The following FAF1 variants were observed in gnomAD, a reference collection of about 807,000 sequenced individuals.
FAF1 encodes the protein FAS-associated factor 1.
A neutral mutation model predicts 92.5 loss-of-function variants in FAF1; 25 were observed. The ratio of observed to expected loss-of-function variants is 0.27; its 90% CI spans 0.20 to 0.38. The LOEUF is 0.38. Ranked by LOEUF, FAF1 falls within the 10% of genes least tolerant of loss-of-function variation. FAF1 has a pLI of 1.00. For missense variants in FAF1, 636 were observed against 793.3 expected, an observed-to-expected ratio of 0.80 and a Z score of 2.38; for synonymous variants, 234 against 273.2, an observed-to-expected ratio of 0.86 and a Z score of 1.42.
intron 8 of FAF1, among the ~76,000 whole-genome samples, chr1:50,622,396 G>C (rs1268632060): frequency 6.6e-6 from 1 of 151,942 alleles, no homozygotes; most frequent in Non-Finnish European, 1.5e-5. Context: ...CTTGGCTTCA[G>C]CATCTCCTCA....
intron 6 of FAF1, among the ~76,000 whole-genome samples, chr1:50,711,931 G>A (rs534953452): frequency 1.3e-5 from 2 of 152,054 alleles, no homozygotes; most frequent in Admixed American, 6.5e-5. Flanking sequence ...CTTAACAAGC[G>A]CTACCACATA....
rs1159295474 is a variant in FAF1, at chr1:50,911,616, G to C, written c.45+48151C>G. 2.0e-5 allele frequency among the ~76,000 whole-genome samples: 3 copies of C among 151,996 alleles called. No individual in the cohort carries two copies. The East Asian group carries it at 5.9e-4, about 30-fold the overall frequency. ...GGAGGCTGAGTCATGAGAATGGCTT[G>C]AACCCAGCAGGCAGAGGTTGCAGTG... is the stretch of plus-strand genomic sequence containing the variant. On this transcript the variant is annotated intron_variant, in intron 1 of 18. Coordinates refer to ENST00000396153, the MANE Select transcript of FAF1 (RefSeq NM_007051.3).
intron 1 of FAF1, among the ~76,000 whole-genome samples, chr1:50,943,900 T>C (rs1423447412): frequency 1.3e-5 from 2 of 152,232 alleles, no homozygotes; most frequent in Non-Finnish European, 1.5e-5. Flanking sequence ...TCAGAATCAC[T>C]AGGTCTTTCT....
At chr1:50,689,365 A>G (rs994518077) in intron 7 of FAF1, among the ~76,000 whole-genome samples, 2 of 152,150 alleles carry the variant, frequency 1.3e-5, no homozygotes, top group Non-Finnish European at 2.9e-5. Flanking sequence ...CGGGTGGATC[A>G]CGAGGTCAGG....
chr1:50,560,750 C>G (rs1649864383), intron 13 of FAF1, among the ~76,000 whole-genome samples: 1 of 152,206 alleles, frequency 6.6e-6, no homozygotes, highest in Non-Finnish European at 1.5e-5. Flanking sequence ...ATTAGATAAT[C>G]TAAACCAGCA....
intron 18 of FAF1, among the ~76,000 whole-genome samples, chr1:50,445,311 C>T (rs1418720030): frequency 1.3e-5 from 2 of 152,114 alleles, no homozygotes; most frequent in African/African-American, 4.8e-5. Flanking sequence ...CAATTATTAT[C>T]CCCATTAAGC....
chr1:50,749,806 C>T (rs912020223), intron 4 of FAF1, among the ~76,000 whole-genome samples: 1 of 149,030 alleles, frequency 6.7e-6, no homozygotes, highest in African/African-American at 2.5e-5. Flanking sequence ...AAAAAAAAAA[C>T]ACGATTCTCA....
intron 18 of FAF1, among the ~76,000 whole-genome samples, chr1:50,463,580 C>T (rs1572759488): frequency 6.6e-6 from 1 of 152,172 alleles, no homozygotes; most frequent in Non-Finnish European, 1.5e-5. Flanking sequence ...TATCTCTTAG[C>T]CCCAGTTGTC....
Position 50,858,178 on chromosome 1 carries a change from T to C in FAF1, c.46-181A>G, listed in dbSNP as rs1644405330. On this transcript the variant is annotated intron_variant, in intron 1 of 18. Coordinates refer to ENST00000396153, the MANE Select transcript of FAF1 (RefSeq NM_007051.3). ...CATATATGGTGTGAACATTGTTAAT[T>C]ACAAAGTAAATTTACATTGCTCTGA... is the stretch of plus-strand genomic sequence containing the variant. Among the ~76,000 whole-genome samples the C allele has an allele frequency of 2.0e-5, 3 of 151,846 alleles. No individual in the cohort carries two copies. In the South Asian group the frequency reaches 6.2e-4, roughly 31 times the overall value.
At chr1:50,467,841 T>TA (rs1557957312) in intron 18 of FAF1, among the ~76,000 whole-genome samples, 1 of 152,090 alleles carries the variant, frequency 6.6e-6, no homozygotes, top group South Asian at 2.1e-4. Flanking sequence ...TCTCACCTTT[T>TA]AAAAAAAGCA....
At chr1:50,594,688 T>C (rs916277298) in intron 9 of FAF1, among the ~76,000 whole-genome samples, 1 of 151,524 alleles carries the variant, frequency 6.6e-6, no homozygotes, top group African/African-American at 2.4e-5. Context: ...CTGGCCAATA[T>C]AGTGAAACCC....
At chr1:50,533,136 C>T (rs923711660) in intron 15 of FAF1, among the ~76,000 whole-genome samples, 3 of 152,148 alleles carry the variant, frequency 2.0e-5, no homozygotes, top group South Asian at 2.1e-4. Context: ...CAGGGTCCCA[C>T]GTTGTTGCCC....
chr1:50,664,999 GA>G (rs1218298604), intron 7 of FAF1, among the ~76,000 whole-genome samples: 1 of 152,090 alleles, frequency 6.6e-6, no homozygotes, highest in South Asian at 2.1e-4. Context: ...TAAATAATAT[GA>G]AAAAAATGTT....
chr1:50,583,817 A>C lies in FAF1; in HGVS notation c.968-102T>G, dbSNP rs774009811. On this transcript the variant is annotated intron_variant, in intron 10 of 18. Transcript: ENST00000396153. This position sits in a 1 kb window ranked among gnomAD's most constrained non-coding sequence, Gnocchi z 4.2. ...AATCCCACATATAAGAAATATATTC[A>C]ATCAATAAAGAGGAAATAAAATTAA... 129 of 614,556 alleles carry C rather than the reference A, an allele frequency of 2.1e-4. 5 individuals are homozygous for C. Among genetic ancestry groups the C allele is most frequent in the Non-Finnish European group, 1.4e-4 (50 of 363,712 alleles). The allele number at this position is 614,556 out of a possible 1,614,324, so 38.1% of individuals were successfully genotyped here.
chr1:50,911,661 C>T (rs1570131354), intron 1 of FAF1, among the ~76,000 whole-genome samples: 1 of 152,046 alleles, frequency 6.6e-6, no homozygotes, highest in East Asian at 2.0e-4. Context: ...GTTGCCACTA[C>T]ACTCCAGCCT....
chr1:50,694,432 T>TA (rs1370940053), intron 7 of FAF1, among the ~76,000 whole-genome samples: 5 of 151,834 alleles, frequency 3.3e-5, no homozygotes, highest in Admixed American at 6.6e-5. Context: ...GAGTTTTCAT[T>TA]AAAAAAATCA....
chr1:50,773,516 A>G (rs1660843858), intron 4 of FAF1, among the ~76,000 whole-genome samples: 1 of 152,264 alleles, frequency 6.6e-6, no homozygotes, highest in South Asian at 2.1e-4. Flanking sequence ...AAATTCTGTC[A>G]TTTGCAACAA....
chr1:50,860,595 T>TA (rs1403927822), intron 1 of FAF1, among the ~76,000 whole-genome samples: 1 of 151,692 alleles, frequency 6.6e-6, no homozygotes, highest in Middle Eastern at 3.2e-3. Flanking sequence ...ATATATTTTT[T>TA]AAAAAACAGA....
chr1:50,784,981 A>G (rs1476305873), intron 4 of FAF1, among the ~76,000 whole-genome samples: 2 of 152,110 alleles, frequency 1.3e-5, no homozygotes, highest in South Asian at 4.1e-4. Context: ...TCCACATGCA[A>G]AAGAACTTGG....
Sources: allele counts gnomAD v4.1 joint callset (sites outside exome capture counted in the v4.1 genomes callset), GRCh38; gene constraint gnomAD v4.1.1; non-coding constraint Gnocchi (gnomAD v3.1); transcripts MANE v1.5; gene names NCBI Gene and HGNC (gene_info 2026-07-23, HGNC 2026-07-21).